The following SETBP1 variants were observed in gnomAD, a reference collection of about 807,000 sequenced individuals.
The protein encoded by SETBP1 is SET-binding protein.
SETBP1 carries 9 observed loss-of-function variants against 101.0 expected under a neutral mutation model. That is an observed-to-expected ratio of 0.09 (90% CI 0.05 to 0.16). SETBP1 has a LOEUF of 0.16. Ranked by LOEUF, SETBP1 falls within the 10% of genes least tolerant of loss-of-function variation. The probability of loss-of-function intolerance (pLI) is 1.00; values close to 1 mark genes in which losing one functional copy is unlikely to be tolerated. For synonymous variants in SETBP1, 818 were observed against 788.5 expected, an observed-to-expected ratio of 1.04 and a Z score of -0.63; for missense variants, 1,858 against 2,033.8, an observed-to-expected ratio of 0.91 and a Z score of 1.66.
chr18:45,032,534 A>G (rs2073317547), intron 4 of SETBP1, among the ~76,000 whole-genome samples: 1 of 152,162 alleles, frequency 6.6e-6, no homozygotes, highest in African/African-American at 2.4e-5. Context: ...CTCTTCACTC[A>G]TCCTAGAATG....
In SETBP1 at chr18:45,052,863, A is replaced by G. The variant is rs555768421; in HGVS notation, c.4172-10216A>G. Among the ~76,000 whole-genome samples, 5 of 152,388 alleles carry G rather than the reference A, an allele frequency of 3.3e-5. 1 individual carries two copies. The highest frequency in any genetic ancestry group is 1.2e-4 in the African/African-American group (5 of 41,602). On this transcript the variant is annotated intron_variant, in intron 5 of 5. Coordinates refer to ENST00000649279, the MANE Select transcript of SETBP1 (RefSeq NM_015559.3). ...AAGGACAGGCATTAACTTTTAGAGT[A>G]TTCGAGCCCTTTGAAAATTCCTAAA...
At position 44,706,591 on chromosome 18, in the gene SETBP1, C is replaced by CAAAAAAAAA. The variant is rs1018470585; in HGVS notation, c.486+4786_486+4794dup. Among the ~76,000 whole-genome samples the CAAAAAAAAA allele has an allele frequency of 2.2e-3, 38 of 16,968 alleles. 5 individuals carry two copies. The highest frequency in any genetic ancestry group is 5.3e-3 in the Admixed American group (4 of 758). The allele number at this position is 16,968 out of a possible 152,430, so 11.1% of individuals were successfully genotyped here. A position where few individuals can be genotyped will look rare whatever the true frequency, so the allele number is the denominator to read the frequency against. On this transcript the variant is annotated intron_variant, in intron 2 of 5. Transcript: ENST00000649279. ...TGGGTGACAGAATGAGACTCAATCT[C>CAAAAAAAAA]AAAAAAAAAAAAAAAAAAAAAAAAA...
At chr18:44,861,300 G>A (rs781049367) in intron 2 of SETBP1, among the ~76,000 whole-genome samples, 15 of 142,720 alleles carry the variant, frequency 1.1e-4, no homozygotes, top group South Asian at 2.2e-4. Context: ...GTGCAGTGGC[G>A]TGATCTCGGC....
chr18:44,740,449 C>T (rs1346186827), intron 2 of SETBP1, among the ~76,000 whole-genome samples: 1 of 152,136 alleles, frequency 6.6e-6, no homozygotes, highest in Non-Finnish European at 1.5e-5. Context: ...GATTCCTGCC[C>T]AACTTGCCTC....
intron 2 of SETBP1, among the ~76,000 whole-genome samples, chr18:44,713,318 C>G (rs1264051059): frequency 6.6e-6 from 1 of 152,132 alleles, no homozygotes; most frequent in Non-Finnish European, 1.5e-5. Context: ...AGTTATTTGA[C>G]TGCTGCTCAA....
chr18:44,830,394 G>A (rs541427594), intron 2 of SETBP1, among the ~76,000 whole-genome samples: 37 of 152,282 alleles, frequency 2.4e-4, no homozygotes, highest in African/African-American at 8.7e-4. Flanking sequence ...ACAATTTGAG[G>A]ACTGGCCTAG....
chr18:44,715,158 G>A (rs768582239), intron 2 of SETBP1, among the ~76,000 whole-genome samples: 5 of 152,156 alleles, frequency 3.3e-5, no homozygotes, highest in African/African-American at 7.2e-5. Context: ...GAAGAGAATA[G>A]TTGAGTCTCT....
At chr18:45,034,031 T>G (rs1444587808) in intron 4 of SETBP1, among the ~76,000 whole-genome samples, 1 of 152,188 alleles carries the variant, frequency 6.6e-6, no homozygotes, top group Non-Finnish European at 1.5e-5. Flanking sequence ...ACAGCTTCTC[T>G]AAGGTGAGGC....
At chr18:44,877,489 A>T (rs188644357) in intron 3 of SETBP1, 8 of 548,536 alleles carry the variant, frequency 1.5e-5, no homozygotes, top group African/African-American at 1.2e-4. Context: ...CCCTCCAAAA[A>T]AAATGGTTCC....
At position 44,846,823 on chromosome 18, in the gene SETBP1, C is replaced by T. The variant is rs561702116; in HGVS notation, c.487-22407C>T. Among the ~76,000 whole-genome samples, 3 of 152,322 alleles carry T rather than the reference C, an allele frequency of 2.0e-5. No individual in the cohort carries two copies. The South Asian group carries it at 6.2e-4, about 32-fold the overall frequency. Reference sequence around the variant, plus strand: ...TGTTCCACCAATATTTTATAGAAATCCCAGTCAAAATCAGTTTTAGTCTCT... The same window carrying T: ...TGTTCCACCAATATTTTATAGAAATTCCAGTCAAAATCAGTTTTAGTCTCT... On this transcript the variant is annotated intron_variant, in intron 2 of 5. Coordinates refer to ENST00000649279, the MANE Select transcript of SETBP1 (RefSeq NM_015559.3).
intron 4 of SETBP1, among the ~76,000 whole-genome samples, chr18:45,017,892 G>A (rs546472809): frequency 9.8e-5 from 15 of 152,324 alleles, no homozygotes; most frequent in African/African-American, 3.4e-4. Flanking sequence ...GCAAAGTTAG[G>A]AACCTGGGCA....
chr18:44,732,820 C>T lies in SETBP1; in HGVS notation c.486+30988C>T, dbSNP rs188384864. The T allele has an allele frequency of 5.8e-3, 884 of 152,242 alleles. 9 individuals are homozygous for T. The highest frequency in any genetic ancestry group is 0.011 in the South Asian group (52 of 4,826). The allele number at this position is 152,242 out of a possible 1,614,324, so 9.4% of individuals were successfully genotyped here. A position where few individuals can be genotyped will look rare whatever the true frequency, so the allele number is the denominator to read the frequency against. On this transcript the variant is annotated intron_variant, in intron 2 of 5. Coordinates refer to ENST00000649279, the MANE Select transcript of SETBP1 (RefSeq NM_015559.3). ...TGGCACCCACCAGGTCCCTTCCTGGCGCTCACATTCCCCAAGTGTGTAACT... is the reference window on the plus strand; with the variant it reads ...TGGCACCCACCAGGTCCCTTCCTGGTGCTCACATTCCCCAAGTGTGTAACT...
intron 2 of SETBP1, among the ~76,000 whole-genome samples, chr18:44,729,753 G>A (rs549508467): frequency 6.6e-6 from 1 of 152,304 alleles, no homozygotes; most frequent in Admixed American, 6.5e-5. Context: ...GAGCTGTGGA[G>A]AGATCTTTGG....
chr18:44,727,949 A>G (rs1244717678), intron 2 of SETBP1, among the ~76,000 whole-genome samples: 1 of 152,016 alleles, frequency 6.6e-6, no homozygotes, highest in Non-Finnish European at 1.5e-5. Flanking sequence ...TGTATCCAAT[A>G]AAAAAAAGAG....
At chr18:44,986,059 G>A (rs1462458598) in intron 4 of SETBP1, 2 of 152,126 alleles carry the variant, frequency 1.3e-5, no homozygotes, top group Non-Finnish European at 2.9e-5. Context: ...TCTGGTGTGC[G>A]TAACCAGACC....
intron 2 of SETBP1, among the ~76,000 whole-genome samples, chr18:44,756,821 G>C (rs1254319282): frequency 6.6e-6 from 1 of 152,112 alleles, no homozygotes; most frequent in East Asian, 1.9e-4. Flanking sequence ...GGGCTGCTCT[G>C]TGAATTGGAA....
chr18:44,787,755 G>C (rs2144712118), intron 2 of SETBP1, among the ~76,000 whole-genome samples: 1 of 143,644 alleles, frequency 7.0e-6, no homozygotes, highest in Admixed American at 7.0e-5. Context: ...TGGGGAGGCT[G>C]AGGCAGGAGA....
At chr18:45,008,281 G>A (rs1043323130) in intron 4 of SETBP1, among the ~76,000 whole-genome samples, 17 of 152,270 alleles carry the variant, frequency 1.1e-4, no homozygotes, top group Middle Eastern at 3.4e-3. Context: ...GATAACTCAC[G>A]GGGATCCTGA....
chr18:45,019,403 G>T (rs2073012240), intron 4 of SETBP1, among the ~76,000 whole-genome samples: 2 of 152,132 alleles, frequency 1.3e-5, no homozygotes, highest in Non-Finnish European at 2.9e-5. Flanking sequence ...TGTATATATT[G>T]TGGAATGGCT....
Sources: gnomAD v4.1 joint callset for allele counts (sites outside exome capture counted in the v4.1 genomes callset) on GRCh38, gnomAD v4.1.1 for gene constraint, MANE v1.5 for transcripts, NCBI Gene and HGNC (gene_info 2026-07-23, HGNC 2026-07-21) for gene names.